DPP6: variants seen among roughly 807,000 people sequenced by gnomAD.
The protein encoded by DPP6 is dipeptidyl peptidase like 6.
In DPP6, 69 loss-of-function variants were observed where a neutral mutation model predicts 122.6. The ratio of observed to expected loss-of-function variants is 0.56; its 90% CI spans 0.46 to 0.69. The LOEUF (loss-of-function observed/expected upper bound fraction) is 0.69. Ranked by LOEUF, DPP6 falls within the 30% of genes least tolerant of loss-of-function variation. The pLI is 0.00. For synonymous variants in DPP6, 418 were observed against 433.1 expected (o/e 0.97, Z 0.43); for missense variants, 928 against 1,116.9 (o/e 0.83, Z 2.41).
chr7:153,841,259 T>G, the DPP6 span, among the ~76,000 whole-genome samples: 1 of 152,204 alleles, frequency 6.6e-6, no homozygotes, highest in Non-Finnish European at 1.5e-5. Flanking sequence ...CAAAGATGCA[T>G]TGTCGTTTTG....
At chr7:153,832,141 C>A in the DPP6 span, among the ~76,000 whole-genome samples, 1 of 152,194 alleles carries the variant, frequency 6.6e-6, no homozygotes, top group Admixed American at 6.5e-5. Context: ...TGTTCTTCCT[C>A]TGCAGCCTCC....
intron 1 of DPP6, among the ~76,000 whole-genome samples, chr7:153,984,258 A>G (rs1233869973): frequency 6.6e-6 from 1 of 152,202 alleles, no homozygotes; most frequent in Non-Finnish European, 1.5e-5. Context: ...TAATGTGTAT[A>G]TTAATATAAG....
intron 1 of DPP6, among the ~76,000 whole-genome samples, chr7:154,377,699 T>C (rs1224659123): frequency 7.9e-5 from 12 of 151,688 alleles, no homozygotes; most frequent in Middle Eastern, 6.8e-3. Context: ...TCCACCATGA[T>C]TGTAAGTTTC....
chr7:154,580,150 T>TACACAC lies in DPP6; in HGVS notation c.627+13254_627+13259dup, dbSNP rs35398601. Among the ~76,000 whole-genome samples the TACACAC allele has an allele frequency of 1.9e-3, 260 of 138,970 alleles. 3 individuals carry two copies. The highest frequency in any genetic ancestry group is 6.2e-3 in the African/African-American group (231 of 37,526). The allele number at this position is 138,970 out of a possible 152,430, so 91.2% of individuals were successfully genotyped here. On this transcript the variant is annotated intron_variant, in intron 5 of 25. Coordinates refer to ENST00000377770, the MANE Select transcript of DPP6 (RefSeq NM_130797.4). Reference sequence around the variant, plus strand: ...TGACGATCTGCCTCTCTCTCCCCCTTACACACACACACACACACACACACA... The same window carrying TACACAC: ...TGACGATCTGCCTCTCTCTCCCCCTTACACACACACACACACACACACACACACACA...
intron 10 of DPP6, among the ~76,000 whole-genome samples, chr7:154,777,164 C>T (rs908758739): frequency 3.3e-5 from 5 of 152,158 alleles, no homozygotes; most frequent in African/African-American, 7.2e-5. Context: ...GTGATTAAGA[C>T]GTGTGGCCTC....
At chr7:154,319,626 CG>C (rs1281821759) in intron 1 of DPP6, among the ~76,000 whole-genome samples, 3 of 151,828 alleles carry the variant, frequency 2.0e-5, no homozygotes, top group Non-Finnish European at 2.9e-5. Flanking sequence ...ACCCAGGAGG[CG>C]GAGGTTGTAG....
chr7:153,780,735 A>G, the DPP6 span, among the ~76,000 whole-genome samples: 1 of 152,100 alleles, frequency 6.6e-6, no homozygotes, highest in Non-Finnish European at 1.5e-5. Context: ...AAGAATGGAG[A>G]GAGGATCTGG....
chr7:153,764,050 C>T, the DPP6 span, among the ~76,000 whole-genome samples: 1 of 152,178 alleles, frequency 6.6e-6, no homozygotes. Context: ...AAAACTCTGT[C>T]TAGTTCTAAA....
intron 6 of DPP6, among the ~76,000 whole-genome samples, chr7:154,651,799 C>T (rs1323082311): frequency 1.3e-5 from 2 of 152,196 alleles, no homozygotes; most frequent in Non-Finnish European, 2.9e-5. Flanking sequence ...GGGCCAACAT[C>T]ACCCCTTGGG....
intron 7 of DPP6, among the ~76,000 whole-genome samples, chr7:154,724,170 G>T (rs1841953405): frequency 6.6e-6 from 1 of 152,068 alleles, no homozygotes; most frequent in African/African-American, 2.4e-5. Context: ...TTTTTCAAAA[G>T]CTCCCCAGGC....
chr7:154,682,075 A>C (rs966880439), intron 7 of DPP6, among the ~76,000 whole-genome samples: 1 of 152,344 alleles, frequency 6.6e-6, no homozygotes, highest in South Asian at 2.1e-4. Flanking sequence ...ATAAGGTCCA[A>C]CATTCATGGA....
intron 5 of DPP6, among the ~76,000 whole-genome samples, chr7:154,574,186 G>A (rs1168844783): frequency 2.0e-5 from 3 of 149,880 alleles, no homozygotes; most frequent in East Asian, 1.9e-4. Flanking sequence ...AATGCTGTGC[G>A]TGTGTGTGTG....
intron 1 of DPP6, among the ~76,000 whole-genome samples, chr7:154,334,183 A>G (rs1158200411): frequency 4.0e-5 from 3 of 74,174 alleles, no homozygotes; most frequent in African/African-American, 1.3e-4. Context: ...AACATACAGA[A>G]AATGGAAAAA....
intron 1 of DPP6, among the ~76,000 whole-genome samples, chr7:153,940,205 G>C (rs1018225784): frequency 1.3e-5 from 2 of 152,156 alleles, no homozygotes; most frequent in Non-Finnish European, 2.9e-5. Flanking sequence ...TCAGTCCACC[G>C]AAAAGCTGGT....
At chr7:154,096,693 T>A (rs1805344251) in intron 1 of DPP6, among the ~76,000 whole-genome samples, 1 of 152,128 alleles carries the variant, frequency 6.6e-6, no homozygotes, top group Admixed American at 6.5e-5. Flanking sequence ...TAAAACTACA[T>A]ATAGAGACCA....
chr7:154,480,206 A>T (rs1315707781), intron 3 of DPP6, among the ~76,000 whole-genome samples: 1 of 151,968 alleles, frequency 6.6e-6, no homozygotes, highest in African/African-American at 2.4e-5. Flanking sequence ...TTACCTTAAC[A>T]CAAACACCTC....
Position 154,877,543 on chromosome 7 carries a change from C to A in DPP6, c.2078+1443C>A, listed in dbSNP as rs2150660637. Among the ~76,000 whole-genome samples the A allele has an allele frequency of 6.6e-6, 1 of 152,328 alleles. No homozygotes were observed. The highest frequency in any genetic ancestry group is 2.1e-4 in the South Asian group (1 of 4,830). On this transcript the variant is annotated intron_variant, in intron 20 of 25. Transcript: ENST00000377770. The surrounding 1 kb of genome is among the most constrained non-coding windows in gnomAD (Gnocchi z 5.2). ...CCAACGACCCAGGCTCTCTCCGTCT[C>A]TCCGCCCAGCCAGCCATGATGGTCT...
intron 5 of DPP6, among the ~76,000 whole-genome samples, chr7:154,580,150 T>TACACACAC (rs35398601): frequency 7.2e-5 from 10 of 138,880 alleles, no homozygotes; most frequent in African/African-American, 2.7e-4. Flanking sequence ...CTCTCCCCCT[T>TACACACAC]ACACACACAC....
intron 1 of DPP6, among the ~76,000 whole-genome samples, chr7:154,115,167 G>T (rs1806889680): frequency 6.6e-6 from 1 of 152,178 alleles, no homozygotes; most frequent in Admixed American, 6.5e-5. Flanking sequence ...GTCATCAGGT[G>T]GTGTGAAAGA....
Sources: allele counts gnomAD v4.1 joint callset (sites outside exome capture counted in the v4.1 genomes callset), GRCh38; gene constraint gnomAD v4.1.1; non-coding constraint Gnocchi (gnomAD v3.1); transcripts MANE v1.5; gene names NCBI Gene and HGNC (gene_info 2026-07-23, HGNC 2026-07-21).